Variants in NLGN1 observed in about 807,000 individuals in gnomAD.
NLGN1 encodes neuroligin 1.
A neutral mutation model predicts 65.5 loss-of-function variants in NLGN1; 12 were observed. That is an observed-to-expected ratio of 0.18 (90% confidence interval 0.12 to 0.30). The LOEUF (loss-of-function observed/expected upper bound fraction) is 0.30, where lower values mean the gene tolerates loss of function less well. Ranked by LOEUF, NLGN1 falls within the 10% of genes least tolerant of loss-of-function variation. NLGN1 has a pLI of 1.00. For synonymous variants in NLGN1, 350 were observed against 359.5 expected, an observed-to-expected ratio of 0.97 and a Z score of 0.30; for missense variants, 750 against 1,007.1, an observed-to-expected ratio of 0.74 and a Z score of 3.46.
chr3:174,149,819 G>A (rs1723999781), intron 4 of NLGN1, among the ~76,000 whole-genome samples: 1 of 151,980 alleles, frequency 6.6e-6, no homozygotes, highest in Admixed American at 6.6e-5. Context: ...CTGAGGTTGG[G>A]TATTAAATTG....
At chr3:173,466,752 C>T (rs1724426244) in intron 2 of NLGN1, among the ~76,000 whole-genome samples, 1 of 152,022 alleles carries the variant, frequency 6.6e-6, no homozygotes, top group Non-Finnish European at 1.5e-5. Flanking sequence ...TTTGGAAAAC[C>T]ATAGACAATT....
chr3:174,293,029 T>C, the NLGN1 span, among the ~76,000 whole-genome samples: 1 of 151,218 alleles, frequency 6.6e-6, no homozygotes, highest in South Asian at 2.1e-4. Context: ...ATAAATAAAT[T>C]GCAAGAAAAA....
At chr3:173,751,624 G>A (rs1776307643) in intron 3 of NLGN1, among the ~76,000 whole-genome samples, 1 of 151,982 alleles carries the variant, frequency 6.6e-6, no homozygotes, top group South Asian at 2.1e-4. Flanking sequence ...TCCAAGCAAG[G>A]ATGAACAGTC....
intron 3 of NLGN1, among the ~76,000 whole-genome samples, chr3:173,665,086 A>C (rs183767150): frequency 1.6e-3 from 244 of 152,284 alleles, no homozygotes; most frequent in African/African-American, 5.5e-3. Flanking sequence ...TGTCAAAAAA[A>C]GGTGGTTGAT....
Position 173,981,306 on chromosome 3 carries a change from A to G in NLGN1, c.646+173474A>G, listed in dbSNP as rs114246431. ...TAACTGATTTTATTTTATTTTTCTC[A>G]TCCTCCTGTAGATTCACCAAATTTT... is the stretch of plus-strand genomic sequence containing the variant. On this transcript the variant is annotated intron_variant, in intron 4 of 6. Transcript: ENST00000457714. Among the ~76,000 whole-genome samples the G allele has an allele frequency of 4.9e-3, 753 of 152,258 alleles. 5 individuals carry two copies. Among genetic ancestry groups the G allele is most frequent in the South Asian group, 0.024 (116 of 4,832 alleles).
At chr3:174,210,335 A>C (rs983331647) in intron 4 of NLGN1, among the ~76,000 whole-genome samples, 2 of 152,190 alleles carry the variant, frequency 1.3e-5, no homozygotes, top group Non-Finnish European at 2.9e-5. Flanking sequence ...GCTGTTGTCT[A>C]TATTATTCAC....
chr3:173,729,075 T>C (rs2150044257), intron 3 of NLGN1, among the ~76,000 whole-genome samples: 1 of 152,188 alleles, frequency 6.6e-6, no homozygotes, highest in Middle Eastern at 3.4e-3. Flanking sequence ...TGTCATATAC[T>C]TTTAAAATGA....
At chr3:174,235,095 C>G (rs1469925098) in intron 4 of NLGN1, among the ~76,000 whole-genome samples, 1 of 140,730 alleles carries the variant, frequency 7.1e-6, no homozygotes, top group Admixed American at 7.7e-5. Context: ...TGTGGAGCAT[C>G]TGACCTGCAT....
At chr3:173,415,254 T>C (rs954991050) in intron 1 of NLGN1, among the ~76,000 whole-genome samples, 2 of 152,208 alleles carry the variant, frequency 1.3e-5, no homozygotes, top group Non-Finnish European at 2.9e-5. Flanking sequence ...CTTTGTCAAG[T>C]GCAAAATAGG....
chr3:173,515,075 TCAAA>T lies in NLGN1; in HGVS notation c.-321+80000_-321+80003del, dbSNP rs1733604346. On this transcript the variant is annotated intron_variant, in intron 2 of 6. Transcript: ENST00000457714. ...TCTGTTTTTATTTTTTGAGGAACCTTCAAACAGTTTTCCACAGTGACTGTACCAG... is the reference window on the plus strand; with the variant it reads ...TCTGTTTTTATTTTTTGAGGAACCTTCAGTTTTCCACAGTGACTGTACCAG... Among the ~76,000 whole-genome samples the T allele has an allele frequency of 3.3e-5, 5 of 152,262 alleles. No homozygotes were observed. The South Asian group carries it at 1.0e-3, about 32-fold the overall frequency.
At chr3:173,421,553 G>A (rs1477556636) in intron 1 of NLGN1, among the ~76,000 whole-genome samples, 1 of 151,640 alleles carries the variant, frequency 6.6e-6, no homozygotes, top group Non-Finnish European at 1.5e-5. Flanking sequence ...CACGCAGGCT[G>A]GAGTGCAGTG....
chr3:174,240,510 C>T (rs185254277), intron 4 of NLGN1, among the ~76,000 whole-genome samples: 6 of 152,078 alleles, frequency 3.9e-5, no homozygotes, highest in Non-Finnish European at 7.4e-5. Context: ...TTACCAAGAA[C>T]GCTGTCATTA....
intron 1 of NLGN1, among the ~76,000 whole-genome samples, chr3:173,427,388 T>C (rs1313917476): frequency 6.6e-5 from 10 of 151,944 alleles, no homozygotes; most frequent in African/African-American, 2.4e-5. Context: ...CTATTTCCTT[T>C]AGATGCATAG....
intron 3 of NLGN1, among the ~76,000 whole-genome samples, chr3:173,660,776 T>G (rs1026065414): frequency 6.6e-5 from 10 of 151,976 alleles, no homozygotes; most frequent in African/African-American, 2.4e-4. Flanking sequence ...TTCTCCACTG[T>G]CAAGTCCTTT....
chr3:173,955,487 A>G (rs559707878), intron 4 of NLGN1, among the ~76,000 whole-genome samples: 2 of 152,272 alleles, frequency 1.3e-5, no homozygotes, highest in South Asian at 4.1e-4. Flanking sequence ...AATTTTACAT[A>G]AAGAGTCCAT....
At chr3:173,727,242 C>T (rs1038798780) in intron 3 of NLGN1, among the ~76,000 whole-genome samples, 1 of 152,016 alleles carries the variant, frequency 6.6e-6, no homozygotes, top group African/African-American at 2.4e-5. Flanking sequence ...TTCATGGGAT[C>T]AGTTAATTAG....
intron 2 of NLGN1, among the ~76,000 whole-genome samples, chr3:173,511,294 G>A (rs546042677): frequency 2.6e-5 from 4 of 152,132 alleles, no homozygotes; most frequent in Admixed American, 2.0e-4. Flanking sequence ...AGTAAAAAAG[G>A]TTCCCATATG....
At chr3:173,445,267 CAAAAAAAA>C (rs60140480) in intron 2 of NLGN1, among the ~76,000 whole-genome samples, 17 of 103,484 alleles carry the variant, frequency 1.6e-4, no homozygotes, top group African/African-American at 7.2e-4. Context: ...GACTCCGTCT[CAAAAAAAA>C]AAAAAAAAAA....
intron 2 of NLGN1, among the ~76,000 whole-genome samples, chr3:173,460,967 G>C (rs912577790): frequency 6.6e-6 from 1 of 152,102 alleles, no homozygotes; most frequent in African/African-American, 2.4e-5. Flanking sequence ...AAGAGACTTA[G>C]TCTATTTCTG....
Sources: gnomAD v4.1 joint callset for allele counts (sites outside exome capture counted in the v4.1 genomes callset) on GRCh38, gnomAD v4.1.1 for gene constraint, MANE v1.5 for transcripts, NCBI Gene and HGNC (gene_info 2026-07-23, HGNC 2026-07-21) for gene names.